The following SCAPER variants were observed in gnomAD, a reference collection of about 807,000 sequenced individuals.
SCAPER encodes S-phase cyclin A associated protein in the ER.
Under a neutral mutation model 182.2 loss-of-function variants are expected in SCAPER, and 98 were observed. The ratio of observed to expected loss-of-function variants is 0.54; its 90% CI spans 0.46 to 0.64. The LOEUF (loss-of-function observed/expected upper bound fraction) is 0.64. Ranked by LOEUF, SCAPER falls within the 30% of genes least tolerant of loss-of-function variation. The probability of loss-of-function intolerance (pLI) is 0.00; values close to 1 mark genes in which losing one functional copy is unlikely to be tolerated. For synonymous variants in SCAPER, 605 were observed against 564.6 expected (o/e 1.07, Z -1.01); for missense variants, 1,432 against 1,690.0 (o/e 0.85, Z 2.68).
At chr15:76,475,793 G>T (rs144632594) in intron 24 of SCAPER, among the ~76,000 whole-genome samples, 18 of 152,210 alleles carry the variant, frequency 1.2e-4, no homozygotes, top group African/African-American at 3.6e-4. Flanking sequence ...GAGGCCTGGG[G>T]GTGTGTTCCT....
chr15:76,834,514 C>T (rs1239474585), intron 5 of SCAPER, among the ~76,000 whole-genome samples: 1 of 152,042 alleles, frequency 6.6e-6, no homozygotes, highest in East Asian at 1.9e-4. Context: ...CCGAGCTGAA[C>T]TGAACACTGA....
chr15:76,780,762 A>G (rs960247706), intron 8 of SCAPER, among the ~76,000 whole-genome samples: 1 of 152,222 alleles, frequency 6.6e-6, no homozygotes, highest in African/African-American at 2.4e-5. Flanking sequence ...GGGGACTTCC[A>G]GCAAACTCCA....
intron 22 of SCAPER, among the ~76,000 whole-genome samples, chr15:76,607,350 T>C (rs1212768958): frequency 6.6e-6 from 1 of 152,234 alleles, no homozygotes. Flanking sequence ...TGGCCCCCAC[T>C]CTCTTCTGGC....
At chr15:76,371,509 G>A (rs1485618553) in intron 29 of SCAPER, among the ~76,000 whole-genome samples, 5 of 151,618 alleles carry the variant, frequency 3.3e-5, no homozygotes, top group African/African-American at 9.7e-5. Context: ...TAGTAGAGAC[G>A]GGGTTTCACC....
chr15:76,823,395 G>A (rs531442941), intron 5 of SCAPER, among the ~76,000 whole-genome samples: 1 of 152,110 alleles, frequency 6.6e-6, no homozygotes, highest in East Asian at 1.9e-4. Context: ...GGGAGGCGGA[G>A]GTTCCAGTGA....
chr15:76,353,497 A>G (rs984375943), intron 30 of SCAPER, among the ~76,000 whole-genome samples: 1 of 152,226 alleles, frequency 6.6e-6, no homozygotes, highest in Non-Finnish European at 1.5e-5. Flanking sequence ...TACATTAAAA[A>G]AATCAATATA....
chr15:76,448,183 G>A (rs1305779602), intron 25 of SCAPER, among the ~76,000 whole-genome samples: 1 of 152,156 alleles, frequency 6.6e-6, no homozygotes, highest in Non-Finnish European at 1.5e-5. Flanking sequence ...AGGATTCTAA[G>A]CTAGAAGTGA....
chr15:76,511,366 A>G (rs1261767275), intron 23 of SCAPER, among the ~76,000 whole-genome samples: 3 of 152,256 alleles, frequency 2.0e-5, no homozygotes, highest in African/African-American at 7.2e-5. Flanking sequence ...ATTATGTTTC[A>G]TAACAGTGGC....
intron 21 of SCAPER, among the ~76,000 whole-genome samples, chr15:76,641,856 T>C (rs1171771957): frequency 6.6e-6 from 1 of 152,214 alleles, no homozygotes; most frequent in Non-Finnish European, 1.5e-5. Context: ...ATCATCATTA[T>C]CATCATCAAT....
rs775463270 is a variant in SCAPER, at chr15:76,667,625, C to CAAAAAAAAAAAAAAAA, written c.2509-1852_2509-1837dup. Among the ~76,000 whole-genome samples the CAAAAAAAAAAAAAAAA allele has an allele frequency of 4.0e-4, 11 of 27,474 alleles. 3 individuals carry two copies. Among genetic ancestry groups the CAAAAAAAAAAAAAAAA allele is most frequent in the East Asian group, 1.3e-3 (1 of 764 alleles). The allele number at this position is 27,474 out of a possible 152,430, so 18.0% of individuals were successfully genotyped here. The stretch of plus-strand genomic sequence containing the variant: ...GGGCAACAAGAGCGAGACTCAGTCT[C>CAAAAAAAAAAAAAAAA]AAAAAAAAAAAAAAAAAAAAAAAAA... On this transcript the variant is annotated intron_variant, in intron 20 of 31. Coordinates refer to ENST00000563290, the MANE Select transcript of SCAPER (RefSeq NM_020843.4).
At chr15:76,370,314 T>G (rs1178255452) in intron 29 of SCAPER, among the ~76,000 whole-genome samples, 12 of 92,726 alleles carry the variant, frequency 1.3e-4, no homozygotes, top group South Asian at 8.4e-4. Flanking sequence ...TTTTTTTTTT[T>G]TTGTTTTAAA....
intron 24 of SCAPER, among the ~76,000 whole-genome samples, chr15:76,490,997 A>C (rs989287744): frequency 6.6e-6 from 1 of 152,144 alleles, no homozygotes; most frequent in Non-Finnish European, 1.5e-5. Context: ...CCAATTAAGG[A>C]CTAGAAGAGG....
At chr15:76,726,154 T>TATATAA (rs1240260034) in intron 17 of SCAPER, among the ~76,000 whole-genome samples, 1 of 130,262 alleles carries the variant, frequency 7.7e-6, no homozygotes, top group African/African-American at 2.9e-5. Flanking sequence ...TATATATATA[T>TATATAA]AAAAAACTCT....
At chr15:76,587,748 G>T (rs1481856387) in intron 22 of SCAPER, among the ~76,000 whole-genome samples, 1 of 152,044 alleles carries the variant, frequency 6.6e-6, no homozygotes. Context: ...TTAATAGAAT[G>T]TATATTCTGT....
intron 23 of SCAPER, among the ~76,000 whole-genome samples, chr15:76,557,254 A>G (rs767888844): frequency 3.5e-4 from 54 of 152,208 alleles, no homozygotes; most frequent in Non-Finnish European, 6.6e-4. Flanking sequence ...AAAAAAAAAA[A>G]TCTATTTTAA....
intron 5 of SCAPER, among the ~76,000 whole-genome samples, chr15:76,819,783 A>G: frequency 6.6e-6 from 1 of 152,338 alleles, no homozygotes; most frequent in African/African-American, 2.4e-5. Flanking sequence ...AGCAAAAGAA[A>G]CCACCATCAG....
At chr15:76,765,492 A>G in intron 12 of SCAPER, 38 bp from the exon 13 acceptor site, 2 of 1,609,058 alleles carry the variant, frequency 1.2e-6, no homozygotes, top group Non-Finnish European at 1.7e-6. Context: ...TTAGCCACAT[A>G]GGTCTATAAA....
intron 1 of SCAPER, among the ~76,000 whole-genome samples, chr15:76,887,620 G>A (rs768871832): frequency 3.3e-5 from 5 of 152,128 alleles, no homozygotes; most frequent in African/African-American, 4.8e-5. Flanking sequence ...CAATTGCTGA[G>A]GCATGAGTAG....
At chr15:76,394,998 AC>A (rs1484286311) in intron 27 of SCAPER, among the ~76,000 whole-genome samples, 1 of 140,712 alleles carries the variant, frequency 7.1e-6, no homozygotes. Context: ...TCTCCCACCC[AC>A]CCACTACCCT....
Sources: allele counts gnomAD v4.1 joint callset (sites outside exome capture counted in the v4.1 genomes callset), GRCh38; gene constraint gnomAD v4.1.1; transcripts MANE v1.5; gene names NCBI Gene and HGNC (gene_info 2026-07-23, HGNC 2026-07-21).